Variants in NTM observed in about 807,000 individuals in gnomAD.
NTM encodes neurotrimin.
A neutral mutation model predicts 42.1 loss-of-function variants in NTM; 13 were observed. The observed-to-expected ratio is 0.31, with a 90% CI of 0.20 to 0.49. The LOEUF (loss-of-function observed/expected upper bound fraction) is 0.49. Among genes scored for constraint, NTM ranks in the 20% least tolerant of loss-of-function variants. The pLI is 0.99. For missense variants in NTM, 373 were observed against 452.8 expected, an observed-to-expected ratio of 0.82 and a Z score of 1.60; for synonymous variants, 187 against 179.2, an observed-to-expected ratio of 1.04 and a Z score of -0.35.
At chr11:132,248,119 G>C (rs893266346) in intron 4 of NTM, among the ~76,000 whole-genome samples, 2 of 152,146 alleles carry the variant, frequency 1.3e-5, no homozygotes, top group Non-Finnish European at 2.9e-5. Context: ...TACCCCTTGT[G>C]ACTCAGAACT....
chr11:132,241,878 T>C (rs925068745), intron 4 of NTM, among the ~76,000 whole-genome samples: 3 of 152,230 alleles, frequency 2.0e-5, no homozygotes, highest in Admixed American at 2.0e-4. Flanking sequence ...AATTCTCTGT[T>C]AAGAAGCAGC....
intron 2 of NTM, among the ~76,000 whole-genome samples, chr11:131,962,249 G>A (rs2062274466): frequency 6.6e-6 from 1 of 152,172 alleles, no homozygotes; most frequent in Non-Finnish European, 1.5e-5. Flanking sequence ...GGGTAGGAAG[G>A]ATCAAGGGGT....
At chr11:131,848,877 G>A (rs982069101) in intron 1 of NTM, among the ~76,000 whole-genome samples, 1 of 152,154 alleles carries the variant, frequency 6.6e-6, no homozygotes, top group Non-Finnish European at 1.5e-5. Context: ...AAACCAGGGA[G>A]TGTTATTTGA....
chr11:132,147,123 C>T (rs975759790), intron 3 of NTM, among the ~76,000 whole-genome samples: 1 of 151,858 alleles, frequency 6.6e-6, no homozygotes, highest in African/African-American at 2.4e-5. Context: ...CATCCCAACT[C>T]TCCTGGCCTT....
intron 1 of NTM, chr11:131,536,871 A>C (rs1353437373): frequency 6.6e-6 from 1 of 152,258 alleles, no homozygotes; most frequent in Non-Finnish European, 1.5e-5. Context: ...AAAGGGAGAA[A>C]GGGTGGTCTT....
chr11:131,937,682 G>C (rs1217806397), intron 2 of NTM, among the ~76,000 whole-genome samples: 3 of 152,166 alleles, frequency 2.0e-5, no homozygotes, highest in Non-Finnish European at 4.4e-5. Context: ...TACACTTAAT[G>C]CCTCGGTAAT....
At chr11:131,802,310 C>T (rs547808557) in intron 1 of NTM, among the ~76,000 whole-genome samples, 2 of 152,300 alleles carry the variant, frequency 1.3e-5, no homozygotes, top group East Asian at 3.9e-4. Context: ...CCTGCATTGT[C>T]GTGCCTCTTT....
At chr11:131,511,401 C>T (rs1222801953) in intron 1 of NTM, among the ~76,000 whole-genome samples, 5 of 152,224 alleles carry the variant, frequency 3.3e-5, no homozygotes, top group Non-Finnish European at 5.9e-5. Flanking sequence ...CTGTCTTCGC[C>T]TGCCGCTGGC....
chr11:132,046,948 A>G (rs1447098420), intron 2 of NTM, among the ~76,000 whole-genome samples: 1 of 152,162 alleles, frequency 6.6e-6, no homozygotes, highest in Non-Finnish European at 1.5e-5. Flanking sequence ...CTGTGTCAGG[A>G]ATTACATTAA....
chr11:132,258,874 C>T (rs2092670551), intron 4 of NTM, among the ~76,000 whole-genome samples: 1 of 152,208 alleles, frequency 6.6e-6, no homozygotes, highest in Non-Finnish European at 1.5e-5. Flanking sequence ...GTGTGTGTGA[C>T]AGTCAAACTG....
At chr11:132,041,009 A>T (rs1313752675) in intron 2 of NTM, among the ~76,000 whole-genome samples, 1 of 152,232 alleles carries the variant, frequency 6.6e-6, no homozygotes, top group African/African-American at 2.4e-5. Context: ...CCTGGCATCC[A>T]GTAGATGTCC....
chr11:131,826,936 C>T (rs2042207446), intron 1 of NTM, among the ~76,000 whole-genome samples: 1 of 152,100 alleles, frequency 6.6e-6, no homozygotes, highest in African/African-American at 2.4e-5. Flanking sequence ...AGCTGGAGTG[C>T]AGAAGAAAGG....
chr11:131,512,921 T>C (rs77290197), intron 1 of NTM, among the ~76,000 whole-genome samples: 3,543 of 151,970 alleles, frequency 0.023, 150 homozygotes, highest in African/African-American at 0.081. Flanking sequence ...TCTTGATCAA[T>C]GGCTCAATTT....
chr11:131,451,321 C>A (rs1033652730), intron 1 of NTM, among the ~76,000 whole-genome samples: 1 of 152,128 alleles, frequency 6.6e-6, no homozygotes, highest in Non-Finnish European at 1.5e-5. Flanking sequence ...TGAGTATTTT[C>A]TCTGGATATT....
intron 2 of NTM, among the ~76,000 whole-genome samples, chr11:132,134,705 G>GTGTGTA (rs1277579004): frequency 1.3e-5 from 1 of 75,916 alleles, no homozygotes; most frequent in African/African-American, 3.6e-5. Context: ...GTATTCCATG[G>GTGTGTA]TATATATATA....
intron 2 of NTM, among the ~76,000 whole-genome samples, chr11:132,059,136 T>C (rs537795317): frequency 1.0e-3 from 156 of 152,354 alleles, no homozygotes; most frequent in Non-Finnish European, 1.9e-3. Flanking sequence ...TTCTTCCTCA[T>C]AGCCTAGAAG....
chr11:131,718,849 T>C (rs1318699016), intron 1 of NTM, among the ~76,000 whole-genome samples: 1 of 152,176 alleles, frequency 6.6e-6, no homozygotes, highest in Non-Finnish European at 1.5e-5. Flanking sequence ...GGAAGTCAGC[T>C]GGGATGAATG....
chr11:132,262,105 C>A (rs898757955), intron 4 of NTM, among the ~76,000 whole-genome samples: 5 of 152,220 alleles, frequency 3.3e-5, no homozygotes, highest in Admixed American at 3.3e-4. Flanking sequence ...CGGAACCCTG[C>A]TGGCATTGTG....
chr11:132,197,981 C>T (rs1016447534), intron 3 of NTM, among the ~76,000 whole-genome samples: 13 of 151,984 alleles, frequency 8.6e-5, no homozygotes, highest in African/African-American at 3.1e-4. Context: ...GTCTTTATAG[C>T]AGCAAGATTT....
Sources: allele counts gnomAD v4.1 joint callset (sites outside exome capture counted in the v4.1 genomes callset), GRCh38; gene constraint gnomAD v4.1.1; transcripts MANE v1.5; gene names NCBI Gene and HGNC (gene_info 2026-07-23, HGNC 2026-07-21).